FMN2: variants seen among roughly 807,000 people sequenced by gnomAD.
FMN2 encodes the protein formin 2, also known as formin-2.
Under a neutral mutation model 142.3 loss-of-function variants are expected in FMN2, and 51 were observed. The observed-to-expected ratio is 0.36, with a 90% CI of 0.29 to 0.45. The LOEUF (loss-of-function observed/expected upper bound fraction) is 0.45. FMN2 is among the 20% of genes least tolerant of loss of function. The pLI is 1.00. For synonymous variants in FMN2, 882 were observed against 869.8 expected (o/e 1.01, Z -0.25); for missense variants, 1,936 against 2,122.8 (o/e 0.91, Z 1.73).
At chr1:240,446,469 T>G (rs950464610) in intron 16 of FMN2, among the ~76,000 whole-genome samples, 2 of 152,214 alleles carry the variant, frequency 1.3e-5, no homozygotes, top group African/African-American at 2.4e-5. Flanking sequence ...AAGGGTTTTT[T>G]GATGTCATAG....
intron 6 of FMN2, among the ~76,000 whole-genome samples, chr1:240,228,090 G>A (rs1667381408): frequency 6.6e-6 from 1 of 151,794 alleles, no homozygotes; most frequent in Non-Finnish European, 1.5e-5. Context: ...GATCACCTGA[G>A]GTCGGGAGTT....
chr1:240,323,984 C>T (rs1308600219), intron 8 of FMN2, among the ~76,000 whole-genome samples: 1 of 152,134 alleles, frequency 6.6e-6, no homozygotes, highest in Non-Finnish European at 1.5e-5. Context: ...TTACTTAGTA[C>T]CACAAAAGGA....
At chr1:240,317,625 A>G (rs185539841) in intron 8 of FMN2, among the ~76,000 whole-genome samples, 16 of 152,268 alleles carry the variant, frequency 1.1e-4, no homozygotes, top group African/African-American at 3.8e-4. Context: ...ACATACTAAC[A>G]TTTGTTTAAT....
At chr1:240,415,530 T>TAAAAA (rs372874071) in intron 15 of FMN2, among the ~76,000 whole-genome samples, 1 of 140,682 alleles carries the variant, frequency 7.1e-6, no homozygotes, top group South Asian at 2.3e-4. Flanking sequence ...TTAAGTATAA[T>TAAAAA]AAAAAAAAAA....
intron 6 of FMN2, among the ~76,000 whole-genome samples, chr1:240,228,767 C>T (rs1474364595): frequency 6.6e-6 from 1 of 150,464 alleles, no homozygotes; most frequent in Non-Finnish European, 1.5e-5. Context: ...ATATATTTTT[C>T]AACCTCAAAA....
At chr1:240,162,314 A>G (rs2103294784) in intron 2 of FMN2, among the ~76,000 whole-genome samples, 1 of 152,102 alleles carries the variant, frequency 6.6e-6, no homozygotes, top group South Asian at 2.1e-4. Flanking sequence ...AAATAGAAAA[A>G]TTAGCCGGGC....
intron 7 of FMN2, among the ~76,000 whole-genome samples, chr1:240,267,467 C>T (rs2102913680): frequency 6.6e-6 from 1 of 151,956 alleles, no homozygotes; most frequent in Non-Finnish European, 1.5e-5. Context: ...GAGAACAAAA[C>T]ACACTGGGGT....
intron 6 of FMN2, among the ~76,000 whole-genome samples, chr1:240,212,744 T>C (rs1381963904): frequency 6.6e-6 from 1 of 152,156 alleles, no homozygotes; most frequent in Non-Finnish European, 1.5e-5. Context: ...TATCTCCTCT[T>C]TTGGGTTGTG....
At chr1:240,253,535 T>A (rs1668351299) in intron 6 of FMN2, among the ~76,000 whole-genome samples, 1 of 152,236 alleles carries the variant, frequency 6.6e-6, no homozygotes, top group African/African-American at 2.4e-5. Flanking sequence ...ATGAATTTTC[T>A]TGTATATCAC....
intron 2 of FMN2, among the ~76,000 whole-genome samples, chr1:240,161,847 GATAAA>G (rs1664294793): frequency 6.6e-6 from 1 of 152,128 alleles, no homozygotes; most frequent in Admixed American, 6.5e-5. Flanking sequence ...TAATGTGAAA[GATAAA>G]ATAACAAACC....
chr1:240,394,453 T>C (rs1020168891), intron 15 of FMN2, among the ~76,000 whole-genome samples: 1 of 152,050 alleles, frequency 6.6e-6, no homozygotes, highest in Non-Finnish European at 1.5e-5. Flanking sequence ...CCAGTAGAAG[T>C]GGGGTCATGA....
intron 5 of FMN2, among the ~76,000 whole-genome samples, chr1:240,209,861 G>A (rs996665798): frequency 9.9e-5 from 15 of 151,878 alleles, no homozygotes; most frequent in South Asian, 2.1e-4. Flanking sequence ...CCGAGATCGC[G>A]CCACTGCACT....
intron 8 of FMN2, among the ~76,000 whole-genome samples, chr1:240,327,872 C>A (rs192753978): frequency 6.6e-6 from 1 of 151,858 alleles, no homozygotes; most frequent in Admixed American, 6.6e-5. Flanking sequence ...CCAGGCCAGG[C>A]GCAGTGGCTC....
chr1:240,200,885 A>T (rs188766325), intron 4 of FMN2, among the ~76,000 whole-genome samples: 2 of 152,226 alleles, frequency 1.3e-5, no homozygotes. Context: ...GCAGTCTGTT[A>T]TCATCTTTAT....
intron 2 of FMN2, among the ~76,000 whole-genome samples, chr1:240,149,512 C>A (rs1663671953): frequency 6.6e-6 from 1 of 152,152 alleles, no homozygotes; most frequent in South Asian, 2.1e-4. Flanking sequence ...CCCATTTGCA[C>A]TGAAGAGAAT....
intron 2 of FMN2, among the ~76,000 whole-genome samples, chr1:240,172,919 G>C (rs1056442268): frequency 1.0e-4 from 14 of 133,676 alleles, no homozygotes; most frequent in African/African-American, 4.4e-4. Context: ...GCAGCCAGTG[G>C]CCCTTTTTTT....
At chr1:240,298,242 C>T (rs1670061386) in intron 8 of FMN2, among the ~76,000 whole-genome samples, 1 of 152,104 alleles carries the variant, frequency 6.6e-6, no homozygotes, top group African/African-American at 2.4e-5. Flanking sequence ...TTAGGTAGTA[C>T]CAGGTTAGCC....
At chr1:240,175,705 T>TTTGTTG (rs57456680) in intron 2 of FMN2, among the ~76,000 whole-genome samples, 12 of 151,676 alleles carry the variant, frequency 7.9e-5, no homozygotes, top group African/African-American at 2.9e-4. Flanking sequence ...GGTGCTTTAT[T>TTTGTTG]TTGTTGTTGT....
intron 2 of FMN2, among the ~76,000 whole-genome samples, chr1:240,151,396 T>C (rs1044219006): frequency 6.6e-6 from 1 of 152,090 alleles, no homozygotes; most frequent in Non-Finnish European, 1.5e-5. Context: ...TGAGCCCTTA[T>C]TTTAGCTTTT....
Sources: allele counts gnomAD v4.1 joint callset (sites outside exome capture counted in the v4.1 genomes callset), GRCh38; gene constraint gnomAD v4.1.1; transcripts MANE v1.5; gene names NCBI Gene and HGNC (gene_info 2026-07-23, HGNC 2026-07-21).